CFAP20DC: variants seen among roughly 807,000 people sequenced by gnomAD.
CFAP20DC encodes protein CFAP20DC.
Under a neutral mutation model 101.7 loss-of-function variants are expected in CFAP20DC, and 84 were observed. The ratio of observed to expected loss-of-function variants is 0.83; its 90% CI spans 0.69 to 0.99. CFAP20DC has a LOEUF of 0.99. CFAP20DC is among the 50% of genes least tolerant of loss of function. The pLI is 0.00. For missense variants in CFAP20DC, 1,007 were observed against 970.3 expected, an observed-to-expected ratio of 1.04 and a Z score of -0.50; for synonymous variants, 359 against 351.2, an observed-to-expected ratio of 1.02 and a Z score of -0.25.
chr3:58,937,407 C>T (rs1021397977), intron 5 of CFAP20DC, among the ~76,000 whole-genome samples: 1 of 152,178 alleles, frequency 6.6e-6, no homozygotes, highest in Non-Finnish European at 1.5e-5. Context: ...TTACCAATAG[C>T]ACTTTCTCTC....
chr3:58,731,026 A>C (rs1403343163), intron 3 of CFAP20DC, among the ~76,000 whole-genome samples: 2 of 152,174 alleles, frequency 1.3e-5, no homozygotes, highest in African/African-American at 4.8e-5. Flanking sequence ...TTGTTTATTA[A>C]ATGCAACAAC....
intron 6 of CFAP20DC, among the ~76,000 whole-genome samples, chr3:58,910,847 C>G (rs899829166): frequency 1.3e-5 from 2 of 151,924 alleles, no homozygotes; most frequent in African/African-American, 2.4e-5. Flanking sequence ...AAAATATTTC[C>G]TAAGTTTTGA....
chr3:58,965,264 A>G (rs1250210837), intron 4 of CFAP20DC, among the ~76,000 whole-genome samples: 1 of 152,024 alleles, frequency 6.6e-6, no homozygotes, highest in Non-Finnish European at 1.5e-5. Context: ...AGATTTTACC[A>G]CTCTAAAAGT....
intron 5 of CFAP20DC, among the ~76,000 whole-genome samples, chr3:58,933,564 C>T (rs1032436595): frequency 6.6e-6 from 1 of 152,170 alleles, no homozygotes; most frequent in African/African-American, 2.4e-5. Context: ...GAAATTATAA[C>T]AAACTGTCTC....
In CFAP20DC at chr3:58,742,455, A is replaced by T; in HGVS notation, c.*5T>A. The T allele has an allele frequency of 6.3e-7, 1 of 1,591,268 alleles. No individual in the cohort carries two copies. Among genetic ancestry groups the T allele is most frequent in the Non-Finnish European group, 8.6e-7 (1 of 1,168,650 alleles). On this transcript the variant is annotated 3_prime_UTR_variant, in exon 17 of 17. Transcript: ENST00000482387. Reference sequence around the variant, plus strand: ...AGTGCCTGCTCTCTGCCCCGGAAGGAGGCATTATACCAACTCATAGTATTT... The same window carrying T: ...AGTGCCTGCTCTCTGCCCCGGAAGGTGGCATTATACCAACTCATAGTATTT...
At chr3:58,935,213 C>T (rs2087366535) in intron 5 of CFAP20DC, among the ~76,000 whole-genome samples, 1 of 152,084 alleles carries the variant, frequency 6.6e-6, no homozygotes, top group African/African-American at 2.4e-5. Context: ...ATCCAACTTA[C>T]AAGGGATGTG....
At chr3:58,733,574 G>A (rs1228459247) in intron 3 of CFAP20DC, among the ~76,000 whole-genome samples, 1 of 152,132 alleles carries the variant, frequency 6.6e-6, no homozygotes, top group Non-Finnish European at 1.5e-5. Flanking sequence ...TGAAAACCTT[G>A]TTTTAAAAAG....
intron 4 of CFAP20DC, among the ~76,000 whole-genome samples, chr3:59,026,360 CAT>C (rs2109036724): frequency 6.6e-6 from 1 of 152,248 alleles, no homozygotes; most frequent in Admixed American, 6.5e-5. Context: ...CCCTTGGTGA[CAT>C]AAAAGATTTC....
intron 4 of CFAP20DC, among the ~76,000 whole-genome samples, chr3:58,978,055 C>CCGAT (rs1209997447): frequency 5.9e-5 from 9 of 152,170 alleles, no homozygotes; most frequent in African/African-American, 2.2e-4. Context: ...AGGAAAGGAT[C>CCGAT]CGGAAGTAGG....
rs558264553 is a variant in CFAP20DC, at chr3:58,931,400, G to C, written c.393+6248C>G. 2.3e-3 allele frequency among the ~76,000 whole-genome samples: 357 copies of C among 152,322 alleles called. 4 individuals carry two copies. Among genetic ancestry groups the C allele is most frequent in the African/African-American group, 7.9e-3 (330 of 41,574 alleles). On this transcript the variant is annotated intron_variant, in intron 5 of 16. Transcript: ENST00000482387. Reference sequence around the variant, plus strand: ...TCTGCAGACTTAAATGTCCCTGTCTGACAGCTTTGAAGAGAGCAGTGGTTC... The same window carrying C: ...TCTGCAGACTTAAATGTCCCTGTCTCACAGCTTTGAAGAGAGCAGTGGTTC...
At chr3:58,800,873 T>C (rs1200554005) in intron 15 of CFAP20DC, among the ~76,000 whole-genome samples, 1 of 152,058 alleles carries the variant, frequency 6.6e-6, no homozygotes, top group African/African-American at 2.4e-5. Context: ...AGAAAAAAAA[T>C]CTGAAGTTTA....
At chr3:58,969,395 T>C (rs2091805260) in intron 4 of CFAP20DC, among the ~76,000 whole-genome samples, 2 of 152,180 alleles carry the variant, frequency 1.3e-5, no homozygotes, top group Non-Finnish European at 2.9e-5. Flanking sequence ...GATGGGAATA[T>C]TAAACGATAC....
chr3:59,046,196 A>G, intron 3 of CFAP20DC, 33 bp downstream of exon 3: 2 of 1,394,640 alleles, frequency 1.4e-6, no homozygotes, highest in Non-Finnish European at 2.0e-6. Flanking sequence ...TGAGTACAAA[A>G]TGTTAAGTTT....
rs186650048 is a variant in CFAP20DC, at chr3:58,806,378, T to A, written c.2237+17A>T. The stretch of plus-strand genomic sequence containing the variant: ...AGTTTTTTTTTTTCTTAAATGTAGA[T>A]TATTAATGATTCTTACCGGGGATTA... On this transcript the variant is annotated intron_variant, in intron 15 of 16. Transcript: ENST00000482387. 116 of 1,519,800 alleles carry A rather than the reference T, an allele frequency of 7.6e-5. No homozygotes were observed. Among genetic ancestry groups the A allele is most frequent in the Non-Finnish European group, 1.0e-4 (113 of 1,094,702 alleles). 94.1% of individuals were successfully genotyped at this position (1,519,800 alleles called of 1,614,324 possible).
intron 5 of CFAP20DC, among the ~76,000 whole-genome samples, chr3:58,919,724 A>C (rs989168724): frequency 1.3e-5 from 2 of 152,218 alleles, no homozygotes; most frequent in Admixed American, 1.3e-4. Flanking sequence ...ATACATATAC[A>C]TTGTTGAATT....
chr3:59,030,539 A>C (rs1173772226), intron 4 of CFAP20DC, among the ~76,000 whole-genome samples: 1 of 152,248 alleles, frequency 6.6e-6, no homozygotes, highest in East Asian at 1.9e-4. Context: ...TGTTAAAACT[A>C]TAAAACTGAA....
intron 14 of CFAP20DC, among the ~76,000 whole-genome samples, chr3:58,817,533 G>C (rs1398181330): frequency 1.4e-5 from 2 of 145,274 alleles, no homozygotes; most frequent in Non-Finnish European, 3.0e-5. Flanking sequence ...TGGAAGAAAG[G>C]GTATCAGCAA....
At chr3:59,028,476 T>C (rs1291964791) in intron 4 of CFAP20DC, among the ~76,000 whole-genome samples, 1 of 152,194 alleles carries the variant, frequency 6.6e-6, no homozygotes, top group Non-Finnish European at 1.5e-5. Flanking sequence ...TGAGAAGATA[T>C]AAAAGGCTTA....
chr3:58,949,456 T>G (rs916743609), intron 4 of CFAP20DC, among the ~76,000 whole-genome samples: 1 of 152,166 alleles, frequency 6.6e-6, no homozygotes, highest in Non-Finnish European at 1.5e-5. Context: ...CTGCTTTGAA[T>G]GCGTCCCAGA....
Sources: allele counts gnomAD v4.1 joint callset (sites outside exome capture counted in the v4.1 genomes callset), GRCh38; gene constraint gnomAD v4.1.1; transcripts MANE v1.5; gene names NCBI Gene and HGNC (gene_info 2026-07-23, HGNC 2026-07-21).